DCDC2: variants seen among roughly 807,000 people sequenced by gnomAD.
DCDC2 encodes doublecortin domain containing 2.
In DCDC2, 40 loss-of-function variants were observed where a neutral mutation model predicts 50.2. The observed-to-expected ratio is 0.80, with a 90% CI of 0.62 to 1.04. The LOEUF is 1.04. Among genes scored for constraint, DCDC2 ranks in the 50% least tolerant of loss-of-function variants. DCDC2 has a pLI of 0.00. For missense variants in DCDC2, 570 were observed against 581.9 expected, an observed-to-expected ratio of 0.98 and a Z score of 0.21; for synonymous variants, 234 against 210.6, an observed-to-expected ratio of 1.11 and a Z score of -0.96.
chr6:24,360,222 G>C (rs1418384090), upstream of DCDC2, among the ~76,000 whole-genome samples: 1 of 152,238 alleles, frequency 6.6e-6, no homozygotes, highest in Non-Finnish European at 1.5e-5. Context: ...TGGCTCCTTG[G>C]GATATGCTGG....
At chr6:24,264,761 A>G (rs894273371) in intron 7 of DCDC2, among the ~76,000 whole-genome samples, 6 of 152,046 alleles carry the variant, frequency 3.9e-5, no homozygotes, top group African/African-American at 1.4e-4. Flanking sequence ...GTAAGCCCTT[A>G]CGTATCAATA....
In DCDC2 at chr6:24,172,811, T is replaced by G. The variant is rs572892371; in HGVS notation, c.*1919A>C. 3.3e-4 allele frequency: 50 copies of G among 151,904 alleles called. 1 individual carries two copies. Among genetic ancestry groups the G allele is most frequent in the African/African-American group, 1.1e-3 (44 of 41,432 alleles). 9.4% of individuals were successfully genotyped at this position (151,904 alleles called of 1,614,324 possible). A position where few individuals can be genotyped will look rare whatever the true frequency, so the allele number is the denominator to read the frequency against. On this transcript the variant is annotated 3_prime_UTR_variant, in exon 10 of 10. Coordinates refer to ENST00000378454, the MANE Select transcript of DCDC2 (RefSeq NM_016356.5). The stretch of plus-strand genomic sequence containing the variant: ...GAGTTTGAGACCAGCCTGGCCAACA[T>G]GGTGAAACATCTGTCTCTACAAAAA...
rs565254093 is a variant in DCDC2 at position 24,291,643 on chromosome 6, G to A, written c.558-565C>T. Among the ~76,000 whole-genome samples the A allele has an allele frequency of 2.0e-3, 310 of 151,378 alleles. 1 individual carries two copies. Among genetic ancestry groups the A allele is most frequent in the Non-Finnish European group, 2.9e-3 (194 of 67,770 alleles). Reference sequence around the variant, plus strand: ...TGGGACTACAGGCGCCCGCCACTACGCCCGGCTAATTTTTTGTATTTTTAG... The same window carrying A: ...TGGGACTACAGGCGCCCGCCACTACACCCGGCTAATTTTTTGTATTTTTAG... On this transcript the variant is annotated intron_variant, in intron 4 of 9. Transcript: ENST00000378454.
intron 7 of DCDC2, among the ~76,000 whole-genome samples, chr6:24,266,804 G>C (rs1763131694): frequency 1.3e-5 from 2 of 152,154 alleles, no homozygotes; most frequent in Admixed American, 1.3e-4. Context: ...CCCACTGCTA[G>C]GGATATACCC....
chr6:24,198,274 G>C (rs1323070282), intron 8 of DCDC2, among the ~76,000 whole-genome samples: 1 of 152,218 alleles, frequency 6.6e-6, no homozygotes, highest in African/African-American at 2.4e-5. Context: ...CAGAAGGCCA[G>C]TGATTTCTGC....
At chr6:24,215,511 G>A (rs1001045760) in intron 7 of DCDC2, among the ~76,000 whole-genome samples, 3 of 152,114 alleles carry the variant, frequency 2.0e-5, no homozygotes, top group Non-Finnish European at 2.9e-5. Flanking sequence ...ATCATGGAAA[G>A]TGTTATCACC....
At position 24,178,552 on chromosome 6, in the gene DCDC2, T is replaced by A; in HGVS notation, c.1104A>T (p.Gly368=). ...KDAEQKEDFS[G]MNGDLEEEGG... ...CTTCCTCTTCAAGGTCACCATTCATTCCTGAAAAGTCTTCTTTCTGTTCTG... is the reference window on the plus strand; with the variant it reads ...CTTCCTCTTCAAGGTCACCATTCATACCTGAAAAGTCTTCTTTCTGTTCTG... Residue 368 remains glycine (G), a synonymous_variant, in exon 9 of 10, where the codon GGA becomes GGT. Transcript: ENST00000378454. 6.2e-7 allele frequency: 1 copy of A among 1,614,178 alleles called. No homozygotes were observed. Among genetic ancestry groups the A allele is most frequent in the Non-Finnish European group, 8.5e-7 (1 of 1,180,026 alleles).
At position 24,289,923 on chromosome 6, in the gene DCDC2, G is replaced by A. The variant is rs116178461; in HGVS notation, c.704+1009C>T. 9.0e-3 allele frequency among the ~76,000 whole-genome samples: 1,323 copies of A among 146,334 alleles called. 23 individuals are homozygous for A. Among genetic ancestry groups the A allele is most frequent in the African/African-American group, 0.031 (1,235 of 39,906 alleles). ...GAAAAGCAACAGAGATGGATCCCTG[G>A]GCACCATGAGCAAGCCGAGAGATCC... On this transcript the variant is annotated intron_variant, in intron 5 of 9. Coordinates refer to ENST00000378454, the MANE Select transcript of DCDC2 (RefSeq NM_016356.5).
upstream of DCDC2, among the ~76,000 whole-genome samples, chr6:24,360,591 G>C (rs565886741): frequency 1.3e-5 from 2 of 152,252 alleles, no homozygotes; most frequent in South Asian, 2.1e-4. Context: ...GAGTCGCTTT[G>C]TCCAGTCCAG....
At chr6:24,242,779 T>C (rs1160450880) in intron 7 of DCDC2, among the ~76,000 whole-genome samples, 3 of 151,874 alleles carry the variant, frequency 2.0e-5, no homozygotes, top group African/African-American at 7.3e-5. Flanking sequence ...CTGGCCAACA[T>C]AACAAAACCC....
chr6:24,218,780 A>G (rs1488826945), intron 7 of DCDC2, among the ~76,000 whole-genome samples: 1 of 152,240 alleles, frequency 6.6e-6, no homozygotes, highest in Non-Finnish European at 1.5e-5. Flanking sequence ...GAGCTACTGC[A>G]TCCGGCCTAT....
At chr6:24,219,539 T>A (rs1489170992) in intron 7 of DCDC2, among the ~76,000 whole-genome samples, 1 of 152,182 alleles carries the variant, frequency 6.6e-6, no homozygotes, top group East Asian at 1.9e-4. Context: ...GATGGTAACA[T>A]CAGTTTAACG....
chr6:24,222,808 C>G (rs1762147506), intron 7 of DCDC2, among the ~76,000 whole-genome samples: 1 of 152,044 alleles, frequency 6.6e-6, no homozygotes, highest in Non-Finnish European at 1.5e-5. Context: ...AAAATAAAAA[C>G]AAGAATTGAA....
At chr6:24,343,775 G>A (rs1760204337) in intron 2 of DCDC2, among the ~76,000 whole-genome samples, 1 of 152,114 alleles carries the variant, frequency 6.6e-6, no homozygotes. Flanking sequence ...TCTTATTTTG[G>A]TCAGAATTTA....
chr6:24,276,072 T>C (rs1763349463), intron 7 of DCDC2, among the ~76,000 whole-genome samples: 1 of 151,912 alleles, frequency 6.6e-6, no homozygotes, highest in Admixed American at 6.6e-5. Flanking sequence ...GGGTTTTGGC[T>C]ATGTTGCCCA....
intron 7 of DCDC2, among the ~76,000 whole-genome samples, chr6:24,208,249 G>T (rs1010680179): frequency 6.6e-6 from 1 of 151,648 alleles, no homozygotes; most frequent in African/African-American, 2.4e-5. Flanking sequence ...CCCAACAGCA[G>T]ACTTACTCAT....
the DCDC2 span, among the ~76,000 whole-genome samples, chr6:24,381,579 C>A: frequency 6.6e-6 from 1 of 152,288 alleles, no homozygotes; most frequent in African/African-American, 2.4e-5. Flanking sequence ...ATTCTAATTG[C>A]GGCACAATTT....
chr6:24,376,527 TG>T, the DCDC2 span, among the ~76,000 whole-genome samples: 5 of 152,050 alleles, frequency 3.3e-5, no homozygotes, highest in African/African-American at 1.2e-4. Context: ...ATGAGGAACA[TG>T]GAGAAGCAGT....
the DCDC2 span, among the ~76,000 whole-genome samples, chr6:24,377,501 A>G: frequency 6.6e-6 from 1 of 152,234 alleles, no homozygotes; most frequent in Non-Finnish European, 1.5e-5. Flanking sequence ...AATTGATTTT[A>G]AATTGCTTCA....
Sources: gnomAD v4.1 joint callset for allele counts (sites outside exome capture counted in the v4.1 genomes callset) on GRCh38, gnomAD v4.1.1 for gene constraint, MANE v1.5 for transcripts, NCBI Gene and HGNC (gene_info 2026-07-23, HGNC 2026-07-21) for gene names.